CCDC141: variants seen among roughly 807,000 people sequenced by gnomAD.
CCDC141 encodes coiled-coil domain-containing protein 141.
A neutral mutation model predicts 181.0 loss-of-function variants in CCDC141; 168 were observed. The observed-to-expected ratio is 0.93, with a 90% CI of 0.82 to 1.05. The LOEUF is 1.05. Among genes scored for constraint, CCDC141 ranks in the 50% least tolerant of loss-of-function variants. CCDC141 has a pLI of 0.00. For synonymous variants in CCDC141, 666 were observed against 642.3 expected (o/e 1.04, Z -0.56); for missense variants, 1,902 against 1,788.5 (o/e 1.06, Z -1.14).
intron 2 of CCDC141, among the ~76,000 whole-genome samples, chr2:179,010,228 G>T (rs1000165535): frequency 6.6e-6 from 1 of 152,096 alleles, no homozygotes; most frequent in African/African-American, 2.4e-5. Flanking sequence ...AGACATATTT[G>T]GGGGAATAAT....
intron 2 of CCDC141, among the ~76,000 whole-genome samples, chr2:179,013,960 CAAAAAAAAAAAAAA>C (rs59851189): frequency 4.3e-5 from 2 of 46,858 alleles, no homozygotes; most frequent in Non-Finnish European, 6.7e-5. Context: ...GACTCCATCT[CAAAAAAAAAAAAAA>C]AAAAAAAAAA....
intron 12 of CCDC141, chr2:178,873,084 C>T (rs747826591): frequency 3.3e-5 from 5 of 152,030 alleles, no homozygotes; most frequent in Admixed American, 1.3e-4. Context: ...ATTCATTTGG[C>T]GAAACAATTC....
At chr2:178,856,550 T>G (rs1252343050) in intron 17 of CCDC141, among the ~76,000 whole-genome samples, 153 bp from the exon 18 acceptor site, 2 of 151,264 alleles carry the variant, frequency 1.3e-5, no homozygotes, top group Non-Finnish European at 3.0e-5. Context: ...CTCTCTTTCT[T>G]TCTTTCACTC....
In CCDC141 at chr2:178,865,887, T is replaced by C; in HGVS notation, c.2604A>G (p.Leu868=). Residue 868 remains leucine, a synonymous_variant, in exon 17 of 24, where the codon CTA becomes CTG. Coordinates refer to ENST00000443758, the MANE Select transcript of CCDC141 (RefSeq NM_173648.4). ...PHCSNVSAKN[L]QQQLELLEED... Reference sequence around the variant, plus strand: ...CCTCAAGGAGCTCCAGCTGCTGCTGTAGGTTCTTTGCAGAAACATTAGAGC... The same window carrying C: ...CCTCAAGGAGCTCCAGCTGCTGCTGCAGGTTCTTTGCAGAAACATTAGAGC... 1.3e-6 allele frequency: 2 copies of C among 1,596,662 alleles called. No homozygotes were observed. The highest frequency in any genetic ancestry group is 1.7e-6 in the Non-Finnish European group (2 of 1,171,686).
intron 6 of CCDC141, among the ~76,000 whole-genome samples, chr2:178,940,455 A>G (rs1265171230): frequency 6.6e-6 from 1 of 152,222 alleles, no homozygotes; most frequent in Non-Finnish European, 1.5e-5. Context: ...AAATAGGACT[A>G]TGTCTAAAGA....
chr2:178,858,546 C>G (rs976110808), intron 17 of CCDC141, among the ~76,000 whole-genome samples: 4 of 152,126 alleles, frequency 2.6e-5, no homozygotes, highest in Admixed American at 2.6e-4. Context: ...AAAAGTTCTG[C>G]AGATGGATGG....
At chr2:178,981,636 G>GGATATATATATATATATA (rs1553495302) in intron 2 of CCDC141, among the ~76,000 whole-genome samples, 1 of 62,404 alleles carries the variant, frequency 1.6e-5, no homozygotes, top group Non-Finnish European at 3.2e-5. Flanking sequence ...GTGTGTGTGT[G>GGATATATATATATATATA]TATATATATA....
chr2:178,977,169 TAA>T (rs1267852109), intron 3 of CCDC141, among the ~76,000 whole-genome samples: 1 of 152,182 alleles, frequency 6.6e-6, no homozygotes, highest in African/African-American at 2.4e-5. Context: ...CACGCAAGTG[TAA>T]GTATAAGAGT....
chr2:178,969,358 C>T (rs145797809), intron 4 of CCDC141, among the ~76,000 whole-genome samples: 7 of 152,120 alleles, frequency 4.6e-5, no homozygotes, highest in East Asian at 1.9e-4. Flanking sequence ...TGATGAACAT[C>T]GACGCAAAAA....
At chr2:178,894,983 C>T (rs1251245936) in intron 8 of CCDC141, among the ~76,000 whole-genome samples, 1 of 152,098 alleles carries the variant, frequency 6.6e-6, no homozygotes, top group Non-Finnish European at 1.5e-5. Flanking sequence ...GTATTTCCTT[C>T]CAAAAAGACT....
At chr2:179,015,653 TAC>T (rs1269364470) in intron 2 of CCDC141, among the ~76,000 whole-genome samples, 20 of 139,226 alleles carry the variant, frequency 1.4e-4, no homozygotes, top group East Asian at 4.2e-4. Flanking sequence ...ATATATCTCA[TAC>T]ATATATCTCA....
chr2:179,008,219 G>A (rs2042167807), intron 2 of CCDC141, among the ~76,000 whole-genome samples: 1 of 152,138 alleles, frequency 6.6e-6, no homozygotes, highest in African/African-American at 2.4e-5. Flanking sequence ...CAACCACACT[G>A]TTAGTCATAC....
At chr2:178,851,787 G>A (rs1180568963) in intron 20 of CCDC141, among the ~76,000 whole-genome samples, 1 of 152,180 alleles carries the variant, frequency 6.6e-6, no homozygotes, top group Non-Finnish European at 1.5e-5. Context: ...GTGGTCTCTT[G>A]AATGGAGGAA....
In CCDC141 at chr2:178,944,624, T is replaced by G. The variant is rs1367645231; in HGVS notation, c.808A>C (p.Arg270=). 6 of 1,525,216 alleles carry G rather than the reference T, an allele frequency of 3.9e-6. No homozygotes were observed. In the African/African-American group the frequency reaches 7.0e-5, roughly 18 times the overall value. 94.5% of individuals were successfully genotyped at this position (1,525,216 alleles called of 1,614,324 possible). The change falls in exon 6 of 24, where the codon AGA becomes CGA. Residue 270 remains arginine, a synonymous_variant. Coordinates refer to ENST00000443758, the MANE Select transcript of CCDC141 (RefSeq NM_173648.4). The part of the protein sequence containing the change: ...QVTCWFQKTI[R]NLQEQSLGSS... ...CCTAGACTTTGTTCCTGTAAATTTC[T>G]TATAGTTTTCTGAAACCAACAAGTA...
At chr2:178,926,293 A>G (rs1688906802) in intron 6 of CCDC141, among the ~76,000 whole-genome samples, 1 of 152,224 alleles carries the variant, frequency 6.6e-6, no homozygotes, top group Admixed American at 6.5e-5. Flanking sequence ...GATTTAGAAT[A>G]ATTGATATAT....
chr2:178,949,684 G>T (rs764326192), intron 5 of CCDC141, among the ~76,000 whole-genome samples: 3 of 152,322 alleles, frequency 2.0e-5, no homozygotes, highest in African/African-American at 7.2e-5. Context: ...TCATTAGAGA[G>T]GAGAATGGAT....
intron 16 of CCDC141, among the ~76,000 whole-genome samples, chr2:178,866,717 TTTTTG>T (rs1383807550): frequency 6.6e-6 from 1 of 152,132 alleles, no homozygotes; most frequent in African/African-American, 2.4e-5. Context: ...TGTTTCTGTT[TTTTTG>T]TTTTGTTTTG....
At chr2:178,962,553 G>A (rs554552222) in intron 4 of CCDC141, among the ~76,000 whole-genome samples, 1 of 152,062 alleles carries the variant, frequency 6.6e-6, no homozygotes, top group South Asian at 2.1e-4. Flanking sequence ...TTTAGCCACA[G>A]CGATCTTTTC....
chr2:178,822,057 A>C, the CCDC141 span, among the ~76,000 whole-genome samples: 32,784 of 151,722 alleles, frequency 0.22, 5,942 homozygotes, highest in East Asian at 0.74. Context: ...CACATATACA[A>C]CATGGAATAC....
Sources: gnomAD v4.1 joint callset for allele counts (sites outside exome capture counted in the v4.1 genomes callset) on GRCh38, gnomAD v4.1.1 for gene constraint, MANE v1.5 for transcripts, NCBI Gene and HGNC (gene_info 2026-07-23, HGNC 2026-07-21) for gene names.